Variants in AKAP7 observed in about 807,000 individuals in gnomAD.
AKAP7 encodes A kinase (PRKA) anchor protein 7.
A neutral mutation model predicts 39.5 loss-of-function variants in AKAP7; 39 were observed. That is an observed-to-expected ratio of 0.99 (90% CI 0.76 to 1.29). The LOEUF (loss-of-function observed/expected upper bound fraction) is 1.29, where lower values mean the gene tolerates loss of function less well. AKAP7 is among the 50% of genes most tolerant of loss of function. The pLI, the probability that AKAP7 is intolerant of heterozygous loss-of-function variation, is 0.00. For synonymous variants in AKAP7, 140 were observed against 139.1 expected, an observed-to-expected ratio of 1.01 and a Z score of -0.05; for missense variants, 414 against 407.7, an observed-to-expected ratio of 1.02 and a Z score of -0.13.
chr6:131,199,476 C>T lies in AKAP7; in HGVS notation c.605C>T (p.Thr202Ile). 6.3e-7 allele frequency: 1 copy of T among 1,599,276 alleles called. No homozygotes were observed. Among genetic ancestry groups the T allele is most frequent in the South Asian group, 1.1e-5 (1 of 90,286 alleles). The change falls in exon 6 of 8, where the codon ACA (threonine) becomes ATA (isoleucine). Residue 202 changes from threonine to isoleucine, a missense_variant. Physicochemically the swap from Thr to Ile is moderately conservative, Grantham distance 89. Transcript: ENST00000431975. ...TTTTCTTCAGAGACTGCAAATAGGA[C>T]ATTTCAAGAAAAAGGCATCCTGGTA... Reference protein sequence around the residue: ...LLEIAETANRTFQEKGILVGE... With the variant: ...LLEIAETANRIFQEKGILVGE...
At chr6:131,232,905 A>T (rs906728369) in intron 7 of AKAP7, among the ~76,000 whole-genome samples, 4 of 150,328 alleles carry the variant, frequency 2.7e-5, no homozygotes, top group Non-Finnish European at 5.9e-5. Flanking sequence ...TCTATTATTT[A>T]TTATTATTAT....
chr6:131,271,838 C>A lies in AKAP7; in HGVS notation c.851-9692C>A, dbSNP rs114891172. On this transcript the variant is annotated intron_variant, in intron 7 of 7. Transcript: ENST00000431975. ...GACAAGGCCACGAATAGGTACATTG[C>A]GGTTTAAAAAATGGCAGTTACTTTG... 6.6e-3 allele frequency among the ~76,000 whole-genome samples: 1,003 copies of A among 152,164 alleles called. 13 individuals carry two copies. Among genetic ancestry groups the A allele is most frequent in the African/African-American group, 0.023 (938 of 41,492 alleles).
At chr6:131,199,367 A>G (rs1190789) in intron 5 of AKAP7, 94 bp from the exon 6 acceptor site, 133,837 of 813,426 alleles carry the variant, frequency 0.16, 12,779 homozygotes, top group Middle Eastern at 0.23. Context: ...CTGTAAAATA[A>G]TTAGTGATTG....
chr6:131,139,481 A>G (rs1800846150), intron 1 of AKAP7, among the ~76,000 whole-genome samples: 1 of 152,236 alleles, frequency 6.6e-6, no homozygotes, highest in Non-Finnish European at 1.5e-5. Flanking sequence ...TTTTCATGTC[A>G]AATGGGATAC....
rs548241836 is a variant in AKAP7 at position 131,229,704 on chromosome 6, T to C, written c.850+9896T>C. ...CACATTCTCTGTGAGGTATAACTTA[T>C]ATGCAAAACCGCACATACTTAAAAG... On this transcript the variant is annotated intron_variant, in intron 7 of 7. Coordinates refer to ENST00000431975, the MANE Select transcript of AKAP7 (RefSeq NM_016377.4). Among the ~76,000 whole-genome samples the C allele has an allele frequency of 5.3e-5, 8 of 152,332 alleles. No homozygotes were observed. In the East Asian group the frequency reaches 1.2e-3, roughly 22 times the overall value.
intron 7 of AKAP7, among the ~76,000 whole-genome samples, chr6:131,274,399 G>T (rs1288476425): frequency 1.3e-5 from 2 of 152,030 alleles, no homozygotes; most frequent in South Asian, 2.1e-4. Flanking sequence ...TGGTGCCATG[G>T]TTTAGTATTC....
intron 6 of AKAP7, among the ~76,000 whole-genome samples, chr6:131,208,260 A>ACC (rs930818553): frequency 6.6e-6 from 1 of 152,350 alleles, no homozygotes; most frequent in African/African-American, 2.4e-5. Context: ...TTGAAAAAAA[A>ACC]CAAGTTTACA....
At chr6:131,220,182 G>A (rs1376999037) in intron 7 of AKAP7, among the ~76,000 whole-genome samples, 3 of 152,150 alleles carry the variant, frequency 2.0e-5, no homozygotes, top group Non-Finnish European at 4.4e-5. Flanking sequence ...TTGTAATTAC[G>A]AATAAAATGA....
At chr6:131,156,057 C>G (rs983889737) in intron 2 of AKAP7, among the ~76,000 whole-genome samples, 1 of 152,160 alleles carries the variant, frequency 6.6e-6, no homozygotes, top group Non-Finnish European at 1.5e-5. Context: ...TTTTCACTAT[C>G]CAGTGCTGCC....
chr6:131,230,936 T>C (rs755458524), intron 7 of AKAP7, among the ~76,000 whole-genome samples: 31 of 152,078 alleles, frequency 2.0e-4, no homozygotes, highest in Non-Finnish European at 3.2e-4. Flanking sequence ...AAACTAAAGC[T>C]CTAGGTGGAT....
At chr6:131,195,288 T>C (rs1806814989) in intron 5 of AKAP7, among the ~76,000 whole-genome samples, 1 of 152,154 alleles carries the variant, frequency 6.6e-6, no homozygotes, top group Non-Finnish European at 1.5e-5. Flanking sequence ...CCTGATTGAA[T>C]AAACAAACAA....
intron 7 of AKAP7, among the ~76,000 whole-genome samples, chr6:131,224,346 G>A (rs1168348068): frequency 6.6e-6 from 1 of 151,966 alleles, no homozygotes; most frequent in Non-Finnish European, 1.5e-5. Flanking sequence ...TCTTTGATTT[G>A]ATCCTAACTC....
chr6:131,159,128 A>T (rs1369883396), intron 2 of AKAP7, among the ~76,000 whole-genome samples: 2 of 151,568 alleles, frequency 1.3e-5, no homozygotes, highest in Non-Finnish European at 2.9e-5. Flanking sequence ...GAGTCTCCCT[A>T]TGTCGCCCAG....
chr6:131,258,692 T>C (rs1361796115), intron 7 of AKAP7, among the ~76,000 whole-genome samples: 1 of 152,232 alleles, frequency 6.6e-6, no homozygotes, highest in African/African-American at 2.4e-5. Flanking sequence ...GATGAAAATA[T>C]AAAGAATAAG....
chr6:131,217,211 C>T (rs1809268918), intron 6 of AKAP7, among the ~76,000 whole-genome samples: 1 of 152,092 alleles, frequency 6.6e-6, no homozygotes, highest in Non-Finnish European at 1.5e-5. Context: ...ATTTTGCCAT[C>T]CCAGTGGATT....
At chr6:131,155,551 C>A (rs1364036305) in intron 2 of AKAP7, among the ~76,000 whole-genome samples, 2 of 152,126 alleles carry the variant, frequency 1.3e-5, no homozygotes, top group African/African-American at 4.8e-5. Flanking sequence ...TATCTTTTTG[C>A]ATTAATTAGC....
chr6:131,174,319 C>T (rs1804363047), intron 5 of AKAP7, among the ~76,000 whole-genome samples: 1 of 152,208 alleles, frequency 6.6e-6, no homozygotes, highest in Admixed American at 6.5e-5. Context: ...TGGGGACTTA[C>T]TGTGTCAGGC....
chr6:131,278,401 G>T (rs1814923122), intron 7 of AKAP7, among the ~76,000 whole-genome samples: 1 of 152,182 alleles, frequency 6.6e-6, no homozygotes, highest in Admixed American at 6.5e-5. Flanking sequence ...AAATGGCCAT[G>T]TACTATACAT....
At chr6:131,128,484 G>T in the AKAP7 span, among the ~76,000 whole-genome samples, 2 of 152,122 alleles carry the variant, frequency 1.3e-5, no homozygotes, top group Non-Finnish European at 2.9e-5. Flanking sequence ...TAATAATTTA[G>T]AATCTATTAC....
Sources: allele counts gnomAD v4.1 joint callset (sites outside exome capture counted in the v4.1 genomes callset), GRCh38; gene constraint gnomAD v4.1.1; transcripts MANE v1.5; gene names NCBI Gene and HGNC (gene_info 2026-07-23, HGNC 2026-07-21).